The following XRN1 variants were observed in gnomAD, a reference collection of about 807,000 sequenced individuals.
The protein encoded by XRN1 is 5'-3' exoribonuclease 1, also known as strand-exchange protein 1 homolog.
Under a neutral mutation model 222.3 loss-of-function variants are expected in XRN1, and 67 were observed. The observed-to-expected ratio is 0.30, with a 90% CI of 0.25 to 0.37. The LOEUF is 0.37. Ranked by LOEUF, XRN1 falls within the 10% of genes least tolerant of loss-of-function variation. The probability of loss-of-function intolerance (pLI) is 1.00; values close to 1 mark genes in which losing one functional copy is unlikely to be tolerated. For synonymous variants in XRN1, 643 were observed against 652.4 expected, an observed-to-expected ratio of 0.99 and a Z score of 0.22; for missense variants, 1,707 against 2,000.2, an observed-to-expected ratio of 0.85 and a Z score of 2.80.
intron 37 of XRN1, among the ~76,000 whole-genome samples, 164 bp from the exon 38 acceptor site, chr3:142,319,067 T>A (rs1223351805): frequency 6.6e-6 from 1 of 152,246 alleles, no homozygotes; most frequent in Non-Finnish European, 1.5e-5. Context: ...TGTTGCCTTA[T>A]CTTTTTCAGT....
At chr3:142,431,895 A>ATATTT (rs1559879623) in intron 2 of XRN1, among the ~76,000 whole-genome samples, 1 of 32,420 alleles carries the variant, frequency 3.1e-5, no homozygotes, top group Admixed American at 4.5e-4. Flanking sequence ...TATATATAAT[A>ATATTT]TATATATTAT....
At chr3:142,336,241 G>A (rs2065848308) in intron 33 of XRN1, among the ~76,000 whole-genome samples, 1 of 151,608 alleles carries the variant, frequency 6.6e-6, no homozygotes, top group African/African-American at 2.4e-5. Context: ...AAATATGAGG[G>A]GCATGAGGTA....
intron 33 of XRN1, among the ~76,000 whole-genome samples, chr3:142,346,836 G>A (rs2066157736): frequency 6.6e-6 from 1 of 152,140 alleles, no homozygotes; most frequent in South Asian, 2.1e-4. Context: ...GGAACCCACA[G>A]GTACAGAGGG....
At chr3:142,367,050 G>A (rs2066835571) in intron 27 of XRN1, among the ~76,000 whole-genome samples, 1 of 152,184 alleles carries the variant, frequency 6.6e-6, no homozygotes, top group Admixed American at 6.5e-5. Flanking sequence ...CACTTTGGGA[G>A]GCCGAGGCAG....
At chr3:142,332,323 TG>T in intron 36 of XRN1, 51 bp downstream of exon 36, 2 of 1,309,186 alleles carry the variant, frequency 1.5e-6, no homozygotes, top group East Asian at 4.9e-5. Context: ...AAGAACCAAA[TG>T]AATTGAATTT....
At chr3:142,431,869 ATTATATT>A (rs1559879352) in intron 2 of XRN1, among the ~76,000 whole-genome samples, 1,166 of 71,252 alleles carry the variant, frequency 0.016, 64 homozygotes, top group African/African-American at 0.088. Context: ...TATATAATAT[ATTATATT>A]ATATATATTA....
At chr3:142,420,883 C>A in intron 10 of XRN1, 133 bp downstream of exon 10, 1 of 1,117,270 alleles carries the variant, frequency 9.0e-7, no homozygotes, top group South Asian at 1.5e-5. Context: ...AAATCAATTT[C>A]TGAAATGCCT....
At chr3:142,329,980 C>T (rs1003324790) in intron 36 of XRN1, among the ~76,000 whole-genome samples, 1 of 152,112 alleles carries the variant, frequency 6.6e-6, no homozygotes, top group Non-Finnish European at 1.5e-5. Flanking sequence ...TTTAGTACTT[C>T]CTAAAATTAT....
Position 142,403,956 on chromosome 3 carries a change from T to C in XRN1, c.1917A>G (p.Val639=). 1 of 1,598,388 alleles carries C rather than the reference T, an allele frequency of 6.3e-7. No homozygotes were observed. The highest frequency in any genetic ancestry group is 8.6e-7 in the Non-Finnish European group (1 of 1,166,140). ...TGGTTATTTTGTTTTTGTTTATGTC[T>C]ACACGCCAAGCATCTAAGGATATTA... ...YKIISLDAWR[V]DINKNKITRI... Residue 639 remains valine, a synonymous_variant, in exon 17 of 41, where the codon GTA becomes GTG. Transcript: ENST00000392981.
chr3:142,330,947 C>T (rs916491413), intron 36 of XRN1, among the ~76,000 whole-genome samples: 1 of 152,088 alleles, frequency 6.6e-6, no homozygotes, highest in Non-Finnish European at 1.5e-5. Flanking sequence ...GCTGGGATTA[C>T]AGCTACTTGG....
chr3:142,320,475 T>G (rs1043930153), intron 37 of XRN1, among the ~76,000 whole-genome samples: 1 of 152,248 alleles, frequency 6.6e-6, no homozygotes, highest in Non-Finnish European at 1.5e-5. Flanking sequence ...TTTAGTCCTT[T>G]GTCAGATACA....
intron 1 of XRN1, among the ~76,000 whole-genome samples, chr3:142,435,662 C>T (rs773856197): frequency 2.9e-4 from 43 of 149,468 alleles, no homozygotes; most frequent in Non-Finnish European, 6.1e-4. Flanking sequence ...AAGGCTGAAG[C>T]ATGAGAATCG....
In XRN1 at chr3:142,420,996, A is replaced by C; in HGVS notation, c.1173+20T>G. The C allele has an allele frequency of 6.2e-7, 1 of 1,613,042 alleles. No homozygotes were observed. The highest frequency in any genetic ancestry group is 8.5e-7 in the Non-Finnish European group (1 of 1,179,536). The stretch of plus-strand genomic sequence containing the variant: ...CCTTTACAGTTAAAACAATGAAAGG[A>C]CACCTAAAAAAATAGACACCTTTAA... On this transcript the variant is annotated intron_variant, in intron 10 of 40. Transcript: ENST00000392981.
At position 142,324,253 on chromosome 3, in the gene XRN1, C is replaced by A. The variant is rs185037810; in HGVS notation, c.4404+5181G>T. Among the ~76,000 whole-genome samples the A allele has an allele frequency of 4.3e-3, 523 of 122,932 alleles. 14 individuals are homozygous for A. In the East Asian group the frequency reaches 0.055, roughly 13 times the overall value. The allele number at this position is 122,932 out of a possible 152,430, so 80.6% of individuals were successfully genotyped here. ...TAATGCTATCCCTCCCCCCTCCCCC[C>A]ACCCACAACAGTCCCCAGCGTGTGA... On this transcript the variant is annotated intron_variant, in intron 37 of 40. Transcript: ENST00000392981.
Position 142,422,653 on chromosome 3 carries a change from T to C in XRN1, c.896A>G (p.His299Arg), listed in dbSNP as rs756836925. Residue 299 changes from histidine (H) to arginine (R), a missense_variant, in exon 8 of 41, where the codon CAT becomes CGT. This residue lies in a region of XRN1 where 1,234 missense variants were observed against 1,518.2 expected (regional missense o/e 0.81). Coordinates refer to ENST00000392981, the MANE Select transcript of XRN1 (RefSeq NM_001282857.2). ...VGNDFIPHLP[H>R]LHINHDALPL... is the part of the protein sequence containing the mutation. ...CAGTGCATCATGATTAATATGTAAA[T>C]GAGGTAGATGAGGGATAAAATCATT... 7 of 1,612,966 alleles carry C rather than the reference T, an allele frequency of 4.3e-6. 1 individual carries two copies. Among genetic ancestry groups the C allele is most frequent in the East Asian group, 4.5e-5 (2 of 44,802 alleles).
chr3:142,316,795 T>G (rs1053476549), intron 39 of XRN1, among the ~76,000 whole-genome samples: 1 of 152,106 alleles, frequency 6.6e-6, no homozygotes, highest in African/African-American at 2.4e-5. Context: ...AGGCAAGGCA[T>G]GAAGGCTCAT....
intron 39 of XRN1, among the ~76,000 whole-genome samples, chr3:142,315,969 T>G (rs187661255): frequency 6.6e-6 from 1 of 152,204 alleles, no homozygotes; most frequent in Non-Finnish European, 1.5e-5. Flanking sequence ...CCTATTCAGA[T>G]AGAACAAAAT....
In XRN1 at chr3:142,369,671, AC is replaced by A. The variant is rs1324953418; in HGVS notation, c.3204+813del. ...TCCAAAATTAAAAAAAAAAAAAAAAACAAGAGTATATTTTAGAATTGACTGT... is the reference window on the plus strand; with the variant it reads ...TCCAAAATTAAAAAAAAAAAAAAAAAAAGAGTATATTTTAGAATTGACTGT... On this transcript the variant is annotated intron_variant, in intron 27 of 40. Coordinates refer to ENST00000392981, the MANE Select transcript of XRN1 (RefSeq NM_001282857.2). 2.2e-3 allele frequency among the ~76,000 whole-genome samples: 332 copies of A among 151,058 alleles called. 1 individual carries two copies. The highest frequency in any genetic ancestry group is 7.8e-3 in the African/African-American group (321 of 41,098).
In XRN1 at chr3:142,414,098, CA is replaced by C. The variant is rs1257613191; in HGVS notation, c.1593+36del. The C allele has an allele frequency of 4.6e-6, 7 of 1,523,242 alleles. No homozygotes were observed. The Middle Eastern group carries it at 8.8e-4, about 192-fold the overall frequency. The allele number at this position is 1,523,242 out of a possible 1,614,324, so 94.4% of individuals were successfully genotyped here. ...GTTTGGAGGAAGAGCTTCTAAATAT[CA>C]AAAAGGACATAAAAACATTCAATTC... is the stretch of plus-strand genomic sequence containing the variant. On this transcript the variant is annotated intron_variant, in intron 14 of 40. Coordinates refer to ENST00000392981, the MANE Select transcript of XRN1 (RefSeq NM_001282857.2).
Sources: gnomAD v4.1 joint callset for allele counts (sites outside exome capture counted in the v4.1 genomes callset) on GRCh38, gnomAD v4.1.1 for gene constraint, gnomAD v4.1.1 regional missense constraint, MANE v1.5 for transcripts, NCBI Gene and HGNC (gene_info 2026-07-23, HGNC 2026-07-21) for gene names.